SYNE2: variants seen among roughly 807,000 people sequenced by gnomAD.
SYNE2 encodes spectrin repeat containing nuclear envelope protein 2, also known as nesprin-2.
SYNE2 carries 431 observed loss-of-function variants against 856.3 expected under a neutral mutation model. That is an observed-to-expected ratio of 0.50 (90% CI 0.47 to 0.55). The LOEUF is 0.55. SYNE2 is among the 20% of genes least tolerant of loss of function. The pLI is 0.00. For synonymous variants in SYNE2, 2,923 were observed against 2,872.3 expected (o/e 1.02, Z -0.56); for missense variants, 8,129 against 8,023.2 (o/e 1.01, Z -0.50).
In SYNE2 at chr14:64,000,565, A is replaced by G; in HGVS notation, c.3484A>G (p.Ile1162Val). ...TTAATTTATGTGTTCCATCTAGGTCATAAAAAATGAAACTGATGCTCGCTG... is the reference window on the plus strand; with the variant it reads ...TTAATTTATGTGTTCCATCTAGGTCGTAAAAAATGAAACTGATGCTCGCTG... The part of the protein sequence containing the change: ...LQAKLTDLQV[I>V]KNETDARWKE... The change falls in exon 28 of 116, where the codon ATA becomes GTA. Residue 1162 changes from isoleucine (I) to valine (V), a missense_variant. Physicochemically the swap from Ile to Val is conservative, Grantham distance 29. Coordinates refer to ENST00000555002, the MANE Select transcript of SYNE2 (RefSeq NM_182914.3). 6.2e-7 allele frequency: 1 copy of G among 1,613,044 alleles called. No individual in the cohort carries two copies. The highest frequency in any genetic ancestry group is 8.5e-7 in the Non-Finnish European group (1 of 1,179,252).
chr14:63,940,148 A>T (rs150887605), intron 2 of SYNE2, among the ~76,000 whole-genome samples: 52 of 147,996 alleles, frequency 3.5e-4, no homozygotes, highest in African/African-American at 1.2e-3. Flanking sequence ...CATGATCACG[A>T]CTCACTGCAG....
At chr14:63,877,038 G>T (rs2094741102) in intron 1 of SYNE2, among the ~76,000 whole-genome samples, 1 of 152,152 alleles carries the variant, frequency 6.6e-6, no homozygotes, top group African/African-American at 2.4e-5. Flanking sequence ...AAAGGATGAG[G>T]GATACATTAA....
At chr14:64,165,098 G>T (rs1365851597) in intron 89 of SYNE2, among the ~76,000 whole-genome samples, 187 bp from the exon 90 acceptor site, 1 of 151,822 alleles carries the variant, frequency 6.6e-6, no homozygotes. Flanking sequence ...TGTTGCTCAG[G>T]CTGGTCTTGA....
At chr14:64,210,945 C>G (rs1034065416) in intron 103 of SYNE2, among the ~76,000 whole-genome samples, 1 of 152,054 alleles carries the variant, frequency 6.6e-6, no homozygotes, top group African/African-American at 2.4e-5. Flanking sequence ...TCCTGTCTCT[C>G]TCTCCTTTCC....
chr14:63,894,180 T>C (rs2095202825), intron 1 of SYNE2, among the ~76,000 whole-genome samples: 2 of 152,192 alleles, frequency 1.3e-5, no homozygotes, highest in African/African-American at 4.8e-5. Flanking sequence ...GGACTTTTTC[T>C]TTTTAATGTG....
chr14:64,075,927 C>T lies in SYNE2; in HGVS notation c.10867-18C>T, dbSNP rs1269859570. The T allele has an allele frequency of 1.2e-6, 2 of 1,613,326 alleles. No homozygotes were observed. Among genetic ancestry groups the T allele is most frequent in the African/African-American group, 1.3e-5 (1 of 75,024 alleles). On this transcript the variant is annotated intron_variant, in intron 53 of 115. Coordinates refer to ENST00000555002, the MANE Select transcript of SYNE2 (RefSeq NM_182914.3). ...TCCCCCAGTCTCGTGAGTATTGCAACTCTCTTAATGCTTTTAGGAGCTTCA... is the reference window on the plus strand; with the variant it reads ...TCCCCCAGTCTCGTGAGTATTGCAATTCTCTTAATGCTTTTAGGAGCTTCA...
At position 64,049,890 on chromosome 14, in the gene SYNE2, T is replaced by C. The variant is rs768597411; in HGVS notation, c.7643+14T>C. 1 of 1,612,930 alleles carries C rather than the reference T, an allele frequency of 6.2e-7. No homozygotes were observed. The highest frequency in any genetic ancestry group is 1.7e-5 in the Admixed American group (1 of 59,962). On this transcript the variant is annotated intron_variant, in intron 47 of 115. Coordinates refer to ENST00000555002, the MANE Select transcript of SYNE2 (RefSeq NM_182914.3). ...AAGTCTTAAAGTGTAAGTGTAAGAATTTAGGACTTGCATTCTTTTTATTCA... is the reference window on the plus strand; with the variant it reads ...AAGTCTTAAAGTGTAAGTGTAAGAACTTAGGACTTGCATTCTTTTTATTCA...
At chr14:63,856,522 A>G (rs1489026302) in intron 1 of SYNE2, among the ~76,000 whole-genome samples, 1 of 152,204 alleles carries the variant, frequency 6.6e-6, no homozygotes. Flanking sequence ...GGAGTGGGAC[A>G]GGCCAAATTG....
intron 1 of SYNE2, among the ~76,000 whole-genome samples, chr14:63,815,241 G>A (rs765106096): frequency 1.3e-4 from 11 of 85,720 alleles, no homozygotes; most frequent in Non-Finnish European, 2.6e-4. Flanking sequence ...TATATATATG[G>A]ATATATATAT....
intron 1 of SYNE2, among the ~76,000 whole-genome samples, chr14:63,897,969 C>A (rs2095280270): frequency 6.6e-6 from 1 of 152,186 alleles, no homozygotes; most frequent in Non-Finnish European, 1.5e-5. Context: ...TGGAGGAATA[C>A]ATTTTTTAAA....
rs182057772 is a variant in SYNE2 at position 63,854,333 on chromosome 14, C to A, written c.-52+1190C>A. ...GCCGGGCTACACCTGGCCTTCTCAC[C>A]ACTCCAGTACCTGCCACTGAGACAT... On this transcript the variant is annotated intron_variant, in intron 1 of 115. Coordinates refer to ENST00000555002, the MANE Select transcript of SYNE2 (RefSeq NM_182914.3). 6.8e-4 allele frequency among the ~76,000 whole-genome samples: 103 copies of A among 152,230 alleles called. 1 individual carries two copies. In the South Asian group the frequency reaches 0.016, roughly 24 times the overall value.
chr14:63,952,578 A>G (rs2096179715), intron 7 of SYNE2, among the ~76,000 whole-genome samples: 1 of 152,228 alleles, frequency 6.6e-6, no homozygotes, highest in East Asian at 1.9e-4. Context: ...GGTGACTTTG[A>G]ACACTTAATC....
intron 93 of SYNE2, among the ~76,000 whole-genome samples, chr14:64,169,972 G>A (rs978640915): frequency 1.3e-5 from 2 of 152,132 alleles, no homozygotes; most frequent in Admixed American, 1.3e-4. Flanking sequence ...GCTTCAGTTT[G>A]TTTAAGGGAA....
chr14:63,986,413 G>A (rs1456519193), intron 18 of SYNE2, 43 bp from the exon 19 acceptor site: 10 of 1,607,728 alleles, frequency 6.2e-6, no homozygotes, highest in Admixed American at 1.7e-5. Context: ...ATTTTGTTAT[G>A]TACATGCTGA....
At chr14:64,010,748 C>T (rs763448044) in intron 32 of SYNE2, among the ~76,000 whole-genome samples, 1 of 152,146 alleles carries the variant, frequency 6.6e-6, no homozygotes, top group Non-Finnish European at 1.5e-5. Flanking sequence ...CTGTGATTCT[C>T]CTGCCTCAGC....
chr14:64,144,693 G>T (rs1232118338), intron 83 of SYNE2, among the ~76,000 whole-genome samples: 1 of 152,130 alleles, frequency 6.6e-6, no homozygotes, highest in Admixed American at 6.5e-5. Flanking sequence ...GTACTTTCTT[G>T]GAAAGCATTT....
intron 7 of SYNE2, 123 bp from the exon 8 acceptor site, chr14:63,954,596 T>A (rs893281284): frequency 2.5e-6 from 2 of 800,582 alleles, no homozygotes; most frequent in Non-Finnish European, 4.0e-6. Context: ...ATAAAAAATT[T>A]TATCTAGCAT....
rs114130165 is a variant in SYNE2 at position 63,981,519 on chromosome 14, A to G, written c.1836+346A>G. 1.9e-3 allele frequency among the ~76,000 whole-genome samples: 296 copies of G among 152,304 alleles called. 1 individual carries two copies. Among genetic ancestry groups the G allele is most frequent in the African/African-American group, 6.8e-3 (284 of 41,578 alleles). Reference sequence around the variant, plus strand: ...AGACTTAATGTACTGGCTAGCTTATAGACACAGTTAAAATAAACTACTGTT... The same window carrying G: ...AGACTTAATGTACTGGCTAGCTTATGGACACAGTTAAAATAAACTACTGTT... On this transcript the variant is annotated intron_variant, in intron 16 of 115. Coordinates refer to ENST00000555002, the MANE Select transcript of SYNE2 (RefSeq NM_182914.3).
intron 60 of SYNE2, among the ~76,000 whole-genome samples, chr14:64,091,689 C>T (rs1178106626): frequency 6.6e-6 from 1 of 152,166 alleles, no homozygotes; most frequent in Admixed American, 6.6e-5. Flanking sequence ...AATCACTACT[C>T]TCCATCAGGA....
Sources: gnomAD v4.1 joint callset for allele counts (sites outside exome capture counted in the v4.1 genomes callset) on GRCh38, gnomAD v4.1.1 for gene constraint, MANE v1.5 for transcripts, NCBI Gene and HGNC (gene_info 2026-07-23, HGNC 2026-07-21) for gene names.